Variants in ADGRA1 observed in about 807,000 individuals in gnomAD.
The protein encoded by ADGRA1 is adhesion G protein-coupled receptor A1.
In ADGRA1, 12 loss-of-function variants were observed where a neutral mutation model predicts 21.3. The observed-to-expected ratio is 0.56, with a 90% CI of 0.36 to 0.91. ADGRA1 has a LOEUF of 0.91. Among genes scored for constraint, ADGRA1 ranks in the 40% least tolerant of loss-of-function variants. The pLI is 0.01. For missense variants in ADGRA1, 790 were observed against 805.6 expected (o/e 0.98, Z 0.23); for synonymous variants, 385 against 368.8 (o/e 1.04, Z -0.50).
chr10:133,102,153 G>A (rs1019559782), intron 4 of ADGRA1: 22 of 449,242 alleles, frequency 4.9e-5, no homozygotes, highest in Middle Eastern at 4.7e-4. Context: ...AGGGCCACAC[G>A]AATGCCGGCC....
chr10:133,103,770 G>A (rs557712997), intron 5 of ADGRA1, among the ~76,000 whole-genome samples: 25 of 152,352 alleles, frequency 1.6e-4, no homozygotes, highest in African/African-American at 4.8e-4. Flanking sequence ...GCCGGAGCTC[G>A]CCAGGGAGCT....
At position 133,129,441 on chromosome 10, in the gene ADGRA1, G is replaced by C. The variant is rs375311146; in HGVS notation, c.1613G>C (p.Gly538Ala). The change falls in exon 7 of 7, where the codon GGC becomes GCC. Residue 538 changes from glycine to alanine, a missense_variant. By Grantham distance (60) the Gly-to-Ala change is moderately conservative. Coordinates refer to ENST00000392607, the MANE Select transcript of ADGRA1 (RefSeq NM_001083909.3). Reference sequence around the variant, plus strand: ...CTGCCCAAGGGTAAATTGCTAGAAGGCCTGCCGTTTGGCACCGACGGGACC... The same window carrying C: ...CTGCCCAAGGGTAAATTGCTAGAAGCCCTGCCGTTTGGCACCGACGGGACC... ...NGLPKGKLLE[G>A]LPFGTDGTGN... 1.1e-5 allele frequency: 17 copies of C among 1,602,824 alleles called. No individual in the cohort carries two copies. Among genetic ancestry groups the C allele is most frequent in the East Asian group, 8.9e-5 (4 of 44,876 alleles).
At chr10:133,097,307 C>T (rs1347721374) in intron 3 of ADGRA1, among the ~76,000 whole-genome samples, 5 of 152,368 alleles carry the variant, frequency 3.3e-5, no homozygotes, top group African/African-American at 4.8e-5. Context: ...TCAGGGAAGC[C>T]GCGCCTGTCC....
chr10:133,107,192 T>C (rs1851909586), intron 5 of ADGRA1, among the ~76,000 whole-genome samples: 1 of 152,258 alleles, frequency 6.6e-6, no homozygotes, highest in Non-Finnish European at 1.5e-5. Context: ...CAACCTTGTG[T>C]CCGGCAGCTT....
rs540971473 is a variant in ADGRA1 at position 133,123,936 on chromosome 10, G to A, written c.402-3297G>A. Among the ~76,000 whole-genome samples, 29 of 152,316 alleles carry A rather than the reference G, an allele frequency of 1.9e-4. No individual in the cohort carries two copies. In the South Asian group the frequency reaches 3.3e-3, roughly 17 times the overall value. ...CCCCATGTGCAAGGTCCCTCTTGAC[G>A]CGTGAGGTGAAACCTTCACTGGTTT... On this transcript the variant is annotated intron_variant, in intron 5 of 6. Transcript: ENST00000392607.
At chr10:133,090,614 G>C (rs1323368232) in intron 2 of ADGRA1, among the ~76,000 whole-genome samples, 2 of 152,156 alleles carry the variant, frequency 1.3e-5, no homozygotes, top group African/African-American at 4.8e-5. Flanking sequence ...GTAGATACCT[G>C]GGCAGGCTCA....
chr10:133,111,255 CA>C (rs1471470527), intron 5 of ADGRA1, among the ~76,000 whole-genome samples: 35 of 102,036 alleles, frequency 3.4e-4, no homozygotes, highest in East Asian at 4.2e-4. Flanking sequence ...ACAACCTGCC[CA>C]CCACAGGCAC....
At chr10:133,102,908 G>A (rs1028004102) in intron 5 of ADGRA1, 66 bp downstream of exon 5, 1 of 1,532,176 alleles carries the variant, frequency 6.5e-7, no homozygotes, top group Non-Finnish European at 8.9e-7. Flanking sequence ...CACCTTCTGG[G>A]TCTTGGCAAA....
In ADGRA1 at chr10:133,111,264, C is replaced by A. The variant is rs1232941568; in HGVS notation, c.401+8422C>A. On this transcript the variant is annotated intron_variant, in intron 5 of 6. Transcript: ENST00000392607. ...CACCAGACAACCTGCCCACCACAGG[C>A]ACCTCCCTCCTAATCCCACCAGACA... Among the ~76,000 whole-genome samples, 30 of 87,386 alleles carry A rather than the reference C, an allele frequency of 3.4e-4. 1 individual carries two copies. The highest frequency in any genetic ancestry group is 3.7e-4 in the Non-Finnish European group (18 of 49,190). 57.3% of individuals were successfully genotyped at this position (87,386 alleles called of 152,430 possible).
At chr10:133,119,381 C>T (rs781170882) in intron 5 of ADGRA1, among the ~76,000 whole-genome samples, 6 of 152,152 alleles carry the variant, frequency 3.9e-5, no homozygotes, top group Admixed American at 2.0e-4. Context: ...AAGGCTGGGG[C>T]GGCTGTGGCA....
In ADGRA1 at chr10:133,130,746, C is replaced by G. The variant is rs527724310; in HGVS notation, c.*1235C>G. ...CGCACACACCCAAACACGTGCATATCACACACATGCACACACACAAACACG... is the reference window on the plus strand; with the variant it reads ...CGCACACACCCAAACACGTGCATATGACACACATGCACACACACAAACACG... On this transcript the variant is annotated 3_prime_UTR_variant, in exon 7 of 7. Coordinates refer to ENST00000392607, the MANE Select transcript of ADGRA1 (RefSeq NM_001083909.3). 6.6e-6 allele frequency: 1 copy of G among 152,206 alleles called. No homozygotes were observed. The highest frequency in any genetic ancestry group is 2.1e-4 in the South Asian group (1 of 4,810). The allele number at this position is 152,206 out of a possible 1,614,324, so 9.4% of individuals were successfully genotyped here.
At chr10:133,089,807 T>C (rs1851568434) in intron 2 of ADGRA1, among the ~76,000 whole-genome samples, 1 of 152,242 alleles carries the variant, frequency 6.6e-6, no homozygotes, top group Non-Finnish European at 1.5e-5. Flanking sequence ...CAGTATCGTC[T>C]TCCAGTGGCT....
chr10:133,116,795 A>T (rs9419113), intron 5 of ADGRA1, among the ~76,000 whole-genome samples: 1 of 151,188 alleles, frequency 6.6e-6, no homozygotes, highest in Admixed American at 6.6e-5. Flanking sequence ...CTGACCCCCC[A>T]GCTCTGGTCA....
rs575935003 is a variant in ADGRA1, at chr10:133,128,474, G to A, written c.646G>A (p.Glu216Lys). 2.5e-5 allele frequency: 39 copies of A among 1,577,856 alleles called. No individual in the cohort carries two copies. The highest frequency in any genetic ancestry group is 3.4e-5 in the Non-Finnish European group (39 of 1,163,476). Residue 216 changes from glutamate to lysine, a missense_variant, in exon 7 of 7, where the codon GAG becomes AAG. By Grantham distance (56) the Glu-to-Lys change is moderately conservative. Around this residue, in one of 3 missense-constraint regions of ADGRA1, gnomAD observed 382 missense variants for 415.6 expected, o/e 0.92. Transcript: ENST00000392607. ...GRRYELRTQP[E>K]EQRRLATPEG... Reference sequence around the variant, plus strand: ...CAGGTACGAGCTGCGCACACAGCCCGAGGAGCAGCGGCGGCTGGCGACACC... The same window carrying A: ...CAGGTACGAGCTGCGCACACAGCCCAAGGAGCAGCGGCGGCTGGCGACACC...
Position 133,128,856 on chromosome 10 carries a change from G to A in ADGRA1, c.1028G>A (p.Cys343Tyr). The A allele has an allele frequency of 6.3e-7, 1 of 1,581,132 alleles. No individual in the cohort carries two copies. The highest frequency in any genetic ancestry group is 8.6e-7 in the Non-Finnish European group (1 of 1,167,182). Residue 343 changes from cysteine to tyrosine, a missense_variant, in exon 7 of 7, where the codon TGC becomes TAC. Around this residue, in one of 3 missense-constraint regions of ADGRA1, gnomAD observed 391 missense variants for 351.5 expected, o/e 1.11. Transcript: ENST00000392607. ...ANGAALGRAA[C>Y]LHSPGLGQPR... Reference sequence around the variant, plus strand: ...GGGGCCGCGCTGGGCCGCGCCGCCTGCCTGCACTCGCCGGGACTGGGCCAG... The same window carrying A: ...GGGGCCGCGCTGGGCCGCGCCGCCTACCTGCACTCGCCGGGACTGGGCCAG...
chr10:133,112,778 T>TTTGAGGTCTGCGGTCCGC (rs1467598954), intron 5 of ADGRA1, among the ~76,000 whole-genome samples: 1 of 103,932 alleles, frequency 9.6e-6, no homozygotes, highest in African/African-American at 3.9e-5. Context: ...CTGTAAGCTA[T>TTTGAGGTCTGCGGTCCGC]GTCGGTTATT....
chr10:133,095,889 C>T, intron 2 of ADGRA1: 1 of 1,354,488 alleles, frequency 7.4e-7, no homozygotes, highest in Non-Finnish European at 9.9e-7. Flanking sequence ...CCTCCTCCTG[C>T]CCCGATGCCC....
chr10:133,129,063 A>G lies in ADGRA1; in HGVS notation c.1235A>G (p.His412Arg), dbSNP rs1852451827. Residue 412 changes from histidine to arginine, a missense_variant, in exon 7 of 7, where the codon CAC (histidine) becomes CGC (arginine). His to Arg is a conservative substitution (Grantham distance 29, BLOSUM62 0). Coordinates refer to ENST00000392607, the MANE Select transcript of ADGRA1 (RefSeq NM_001083909.3). The stretch of plus-strand genomic sequence containing the variant: ...GAGGGCGCCTTCGGGCACGACCCCC[A>G]CCTGCACGGGTGCCTTCAGGGCAGA... ...QEEGAFGHDPHLHGCLQGRTK... is the reference protein window; with the variant it reads ...QEEGAFGHDPRLHGCLQGRTK... The G allele has an allele frequency of 1.3e-6, 2 of 1,552,242 alleles. No individual in the cohort carries two copies.
intron 5 of ADGRA1, among the ~76,000 whole-genome samples, chr10:133,120,577 G>A (rs1278155390): frequency 6.6e-6 from 1 of 152,120 alleles, no homozygotes; most frequent in East Asian, 1.9e-4. Context: ...ACCGACTTCT[G>A]CTAACTTGGA....
Sources: gnomAD v4.1 joint callset for allele counts (sites outside exome capture counted in the v4.1 genomes callset) on GRCh38, gnomAD v4.1.1 for gene constraint, gnomAD v4.1.1 regional missense constraint, MANE v1.5 for transcripts, NCBI Gene and HGNC (gene_info 2026-07-23, HGNC 2026-07-21) for gene names.